The following DOK6 variants were observed in gnomAD, a reference collection of about 807,000 sequenced individuals.
The protein encoded by DOK6 is docking protein 6.
DOK6 carries 22 observed loss-of-function variants against 44.0 expected under a neutral mutation model. That is an observed-to-expected ratio of 0.50 (90% CI 0.36 to 0.71). The LOEUF is 0.71. DOK6 is among the 30% of genes least tolerant of loss of function. The probability of loss-of-function intolerance (pLI) is 0.00; values close to 1 mark genes in which losing one functional copy is unlikely to be tolerated. For missense variants in DOK6, 340 were observed against 416.4 expected, an observed-to-expected ratio of 0.82 and a Z score of 1.60; for synonymous variants, 166 against 145.5, an observed-to-expected ratio of 1.14 and a Z score of -1.01.
At chr18:69,562,292 A>C (rs1982853418) in intron 1 of DOK6, among the ~76,000 whole-genome samples, 1 of 151,948 alleles carries the variant, frequency 6.6e-6, no homozygotes, top group Admixed American at 6.6e-5. Flanking sequence ...TTTTTTTTCA[A>C]TCAAAGCTTA....
intron 7 of DOK6, among the ~76,000 whole-genome samples, chr18:69,790,271 T>C (rs9955981): frequency 2.0e-5 from 1 of 49,376 alleles, no homozygotes; most frequent in Non-Finnish European, 4.3e-5. Flanking sequence ...TGTCGGGGGG[T>C]GGGGGGCAAG....
intron 6 of DOK6, among the ~76,000 whole-genome samples, chr18:69,745,957 C>A (rs1231613592): frequency 6.6e-6 from 1 of 152,176 alleles, no homozygotes; most frequent in Non-Finnish European, 1.5e-5. Context: ...TAGATATTTA[C>A]ATTTTTTTAA....
chr18:69,796,656 C>G (rs998578978), intron 7 of DOK6, among the ~76,000 whole-genome samples: 4 of 152,180 alleles, frequency 2.6e-5, no homozygotes, highest in East Asian at 1.9e-4. Context: ...AATGCCCCAT[C>G]ATGAATGAAT....
At chr18:69,566,971 G>C (rs1289052651) in intron 2 of DOK6, among the ~76,000 whole-genome samples, 1 of 152,128 alleles carries the variant, frequency 6.6e-6, no homozygotes, top group Non-Finnish European at 1.5e-5. Context: ...GCAATCACAG[G>C]CACTCCATGG....
chr18:69,562,616 G>T (rs1439006321), intron 1 of DOK6, among the ~76,000 whole-genome samples: 1 of 152,130 alleles, frequency 6.6e-6, no homozygotes, highest in Non-Finnish European at 1.5e-5. Context: ...GCTGAAACTG[G>T]ATCCCTTCCT....
At chr18:69,521,066 T>C (rs1023854829) in intron 1 of DOK6, among the ~76,000 whole-genome samples, 4 of 151,894 alleles carry the variant, frequency 2.6e-5, no homozygotes, top group African/African-American at 4.8e-5. Context: ...TAACAGGTGG[T>C]CATGGTAGAA....
intron 5 of DOK6, among the ~76,000 whole-genome samples, chr18:69,730,589 A>C (rs1195652780): frequency 6.6e-6 from 1 of 152,180 alleles, no homozygotes; most frequent in Non-Finnish European, 1.5e-5. Flanking sequence ...CTATCTATTC[A>C]CTAACATTTT....
intron 7 of DOK6, among the ~76,000 whole-genome samples, chr18:69,820,106 AT>A (rs1221807588): frequency 6.6e-6 from 1 of 152,194 alleles, no homozygotes; most frequent in Non-Finnish European, 1.5e-5. Flanking sequence ...GTATATAGAC[AT>A]ATAGTGTGTA....
chr18:69,670,043 A>G (rs1985758435), intron 3 of DOK6, among the ~76,000 whole-genome samples: 1 of 152,262 alleles, frequency 6.6e-6, no homozygotes. Context: ...TCCTCGGAAG[A>G]AAATCAAGCT....
intron 7 of DOK6, among the ~76,000 whole-genome samples, chr18:69,840,423 A>C (rs1982181852): frequency 6.6e-6 from 1 of 152,264 alleles, no homozygotes; most frequent in South Asian, 2.1e-4. Context: ...AATAAAGATG[A>C]GGAAACGACT....
intron 7 of DOK6, among the ~76,000 whole-genome samples, chr18:69,799,123 T>C (rs1341105139): frequency 1.3e-5 from 2 of 152,160 alleles, no homozygotes; most frequent in Admixed American, 1.3e-4. Context: ...CTATTATTAT[T>C]ACCAAGCATT....
intron 7 of DOK6, among the ~76,000 whole-genome samples, chr18:69,800,500 C>A (rs1211387107): frequency 6.6e-6 from 1 of 152,126 alleles, no homozygotes; most frequent in East Asian, 1.9e-4. Context: ...AATACAATTG[C>A]TTTAACACAA....
At chr18:69,536,966 A>G (rs1599179364) in intron 1 of DOK6, among the ~76,000 whole-genome samples, 1 of 125,804 alleles carries the variant, frequency 7.9e-6, no homozygotes, top group East Asian at 2.3e-4. Context: ...AACATACACG[A>G]CAGAAGATTT....
chr18:69,579,761 T>G (rs1411031745), intron 2 of DOK6, among the ~76,000 whole-genome samples: 1 of 152,072 alleles, frequency 6.6e-6, no homozygotes, highest in African/African-American at 2.4e-5. Flanking sequence ...TTTGTTTGTT[T>G]TAGTGGAGAC....
chr18:69,409,819 AT>A (rs1405131048), intron 1 of DOK6, among the ~76,000 whole-genome samples: 1 of 152,204 alleles, frequency 6.6e-6, no homozygotes, highest in Non-Finnish European at 1.5e-5. Context: ...CTATGCAAAA[AT>A]AAGAGTAAAA....
intron 5 of DOK6, among the ~76,000 whole-genome samples, chr18:69,722,662 T>C (rs1978290575): frequency 6.6e-6 from 1 of 152,248 alleles, no homozygotes; most frequent in Admixed American, 6.5e-5. Context: ...TATGCTTTTG[T>C]TCAACTCTGA....
At chr18:69,759,403 A>T (rs1436346323) in intron 7 of DOK6, among the ~76,000 whole-genome samples, 2 of 152,186 alleles carry the variant, frequency 1.3e-5, no homozygotes, top group Admixed American at 1.3e-4. Context: ...AAACTATAAA[A>T]TGTTTAAATG....
intron 6 of DOK6, among the ~76,000 whole-genome samples, chr18:69,740,832 A>ACAT (rs1978776281): frequency 6.6e-6 from 1 of 152,272 alleles, no homozygotes; most frequent in South Asian, 2.1e-4. Flanking sequence ...TGTCGGAGTG[A>ACAT]CATTGTATAG....
intron 1 of DOK6, among the ~76,000 whole-genome samples, chr18:69,447,190 C>G (rs974105233): frequency 2.0e-5 from 3 of 152,140 alleles, no homozygotes; most frequent in Non-Finnish European, 2.9e-5. Flanking sequence ...GGTTTTAGGT[C>G]TAACATTTAA....
Sources: allele counts gnomAD v4.1 joint callset (sites outside exome capture counted in the v4.1 genomes callset), GRCh38; gene constraint gnomAD v4.1.1; transcripts MANE v1.5; gene names NCBI Gene and HGNC (gene_info 2026-07-23, HGNC 2026-07-21).